The following HPCAL1 variants were observed in gnomAD, a reference collection of about 807,000 sequenced individuals.
HPCAL1 encodes hippocalcin like 1.
Under a neutral mutation model 17.1 loss-of-function variants are expected in HPCAL1, and 8 were observed. The observed-to-expected ratio is 0.47, with a 90% CI of 0.27 to 0.84. HPCAL1 has a LOEUF of 0.84. HPCAL1 is among the 40% of genes least tolerant of loss of function. HPCAL1 has a pLI of 0.13. For synonymous variants in HPCAL1, 112 were observed against 111.4 expected, an observed-to-expected ratio of 1.01 and a Z score of -0.03; for missense variants, 165 against 271.1, an observed-to-expected ratio of 0.61 and a Z score of 2.75.
chr2:10,361,554 A>G (rs1200243578), intron 1 of HPCAL1, among the ~76,000 whole-genome samples: 1 of 152,122 alleles, frequency 6.6e-6, no homozygotes, highest in African/African-American at 2.4e-5. Flanking sequence ...CCATGTACAC[A>G]GGTGTGAAAG....
At chr2:10,376,104 AC>A (rs762203590) in intron 1 of HPCAL1, among the ~76,000 whole-genome samples, 115 of 152,278 alleles carry the variant, frequency 7.6e-4, no homozygotes, top group Non-Finnish European at 1.4e-3. Context: ...GCCATGTGAC[AC>A]ATTGGCTCCC....
chr2:10,354,900 A>G lies in HPCAL1; in HGVS notation c.-110-41935A>G, dbSNP rs1287071711. Among the ~76,000 whole-genome samples the G allele has an allele frequency of 1.3e-5, 2 of 152,224 alleles. No individual in the cohort carries two copies. The highest frequency in any genetic ancestry group is 6.5e-5 in the Admixed American group (1 of 15,286). On this transcript the variant is annotated intron_variant, in intron 1 of 4. Transcript: ENST00000307845. This position sits in a 1 kb window ranked among gnomAD's most constrained non-coding sequence, Gnocchi z 5.1. Reference sequence around the variant, plus strand: ...TGGTCCCCTCCTCATAGATCCTTCAATTCAACAATTGAATTCAACAAGCCC... The same window carrying G: ...TGGTCCCCTCCTCATAGATCCTTCAGTTCAACAATTGAATTCAACAAGCCC...
intron 2 of HPCAL1, among the ~76,000 whole-genome samples, chr2:10,397,204 C>T (rs527630397): frequency 7.4e-4 from 112 of 152,082 alleles, no homozygotes; most frequent in Admixed American, 1.7e-3. Context: ...GCGTGACCTT[C>T]GGTGCTTCTG....
At chr2:10,379,964 T>TC (rs1667838159) in intron 1 of HPCAL1, among the ~76,000 whole-genome samples, 1 of 152,000 alleles carries the variant, frequency 6.6e-6, no homozygotes, top group African/African-American at 2.4e-5. Context: ...TGGACAAAGC[T>TC]CCCCCAAGTC....
chr2:10,315,441 G>C (rs1178394819), intron 1 of HPCAL1, among the ~76,000 whole-genome samples: 1 of 152,098 alleles, frequency 6.6e-6, no homozygotes, highest in Non-Finnish European at 1.5e-5. Flanking sequence ...GATTTTTCAT[G>C]TTTTGCCACA....
chr2:10,346,191 T>C (rs13031382), intron 1 of HPCAL1, among the ~76,000 whole-genome samples: 37,947 of 151,590 alleles, frequency 0.25, 5,398 homozygotes, highest in East Asian at 0.62. Context: ...GCTGCACTCA[T>C]GTCCTTCTTT....
In HPCAL1 at chr2:10,426,728, A is replaced by G. The variant is rs770068929; in HGVS notation, c.489A>G (p.Lys163=). 4 of 1,613,170 alleles carry G rather than the reference A, an allele frequency of 2.5e-6. No homozygotes were observed. The highest frequency in any genetic ancestry group is 3.4e-6 in the Non-Finnish European group (4 of 1,179,742). The change falls in exon 5 of 5, where the codon AAA becomes AAG. Residue 163 remains lysine, a synonymous_variant. Transcript: ENST00000307845. ...ATTGTCTCTGGTCCCCTGCAGGCAAACTGTCCTTGGAAGAATTCATCAGAG... is the reference window on the plus strand; with the variant it reads ...ATTGTCTCTGGTCCCCTGCAGGCAAGCTGTCCTTGGAAGAATTCATCAGAG... The part of the protein sequence containing the change: ...FRQMDTNNDG[K]LSLEEFIRGA...
At position 10,331,139 on chromosome 2, in the gene HPCAL1, C is replaced by A. The variant is rs970796395; in HGVS notation, c.-111+27962C>A. On this transcript the variant is annotated intron_variant, in intron 1 of 4. Transcript: ENST00000307845. This position sits in a 1 kb window ranked among gnomAD's most constrained non-coding sequence, Gnocchi z 5.0. Reference sequence around the variant, plus strand: ...TGCAAGTGACCGCACCCTCTTACTGCATGCGGGCCTTGCCAAGAGCCTGCA... The same window carrying A: ...TGCAAGTGACCGCACCCTCTTACTGAATGCGGGCCTTGCCAAGAGCCTGCA... 2.0e-5 allele frequency among the ~76,000 whole-genome samples: 3 copies of A among 152,164 alleles called. No individual in the cohort carries two copies. The highest frequency in any genetic ancestry group is 2.0e-4 in the Admixed American group (3 of 15,284).
In HPCAL1 at chr2:10,396,916, C is replaced by G. The variant is rs1317135274; in HGVS notation, c.-29C>G. 6.6e-6 allele frequency: 1 copy of G among 152,302 alleles called. No homozygotes were observed. The highest frequency in any genetic ancestry group is 2.4e-5 in the African/African-American group (1 of 41,442). The allele number at this position is 152,302 out of a possible 1,614,324, so 9.4% of individuals were successfully genotyped here. A position where few individuals can be genotyped will look rare whatever the true frequency, so the allele number is the denominator to read the frequency against. On this transcript the variant is annotated 5_prime_UTR_variant, in exon 2 of 5. Coordinates refer to ENST00000307845, the MANE Select transcript of HPCAL1 (RefSeq NM_002149.4). ...CACTCCCTCTCAGCCTCCGCCTGGTCTCTGGTAAGTCACTCCCAGAGGCCG... is the reference window on the plus strand; with the variant it reads ...CACTCCCTCTCAGCCTCCGCCTGGTGTCTGGTAAGTCACTCCCAGAGGCCG...
chr2:10,366,025 A>G (rs529481868), intron 1 of HPCAL1, among the ~76,000 whole-genome samples: 2 of 152,272 alleles, frequency 1.3e-5, no homozygotes, highest in East Asian at 3.9e-4. Flanking sequence ...ACGTTTGCCC[A>G]GCAGCACGCC....
chr2:10,422,816 C>T lies in HPCAL1; in HGVS notation c.379-167C>T, dbSNP rs377032707. ...TGCTCTTGAACTTCACATAGACACC[C>T]GTGAGGTTCACTAGGGAACATTCTC... On this transcript the variant is annotated intron_variant, in intron 3 of 4. Transcript: ENST00000307845. Among the ~76,000 whole-genome samples, 67 of 152,366 alleles carry T rather than the reference C, an allele frequency of 4.4e-4. 1 individual carries two copies. In the South Asian group the frequency reaches 0.013, roughly 31 times the overall value.
chr2:10,355,839 G>A (rs925009972), intron 1 of HPCAL1, among the ~76,000 whole-genome samples: 1 of 151,986 alleles, frequency 6.6e-6, no homozygotes, highest in African/African-American at 2.4e-5. Flanking sequence ...AGTAGGGGAC[G>A]CACAGGGCAT....
chr2:10,337,576 T>G (rs1369729747), intron 1 of HPCAL1, among the ~76,000 whole-genome samples: 1 of 152,122 alleles, frequency 6.6e-6, no homozygotes, highest in African/African-American at 2.4e-5. Flanking sequence ...GGGTTGCAGG[T>G]GCTTCTCCAC....
chr2:10,311,388 C>T (rs1443737435), intron 1 of HPCAL1, among the ~76,000 whole-genome samples: 1 of 152,196 alleles, frequency 6.6e-6, no homozygotes, highest in Non-Finnish European at 1.5e-5. Context: ...TGCCTTCATG[C>T]TGGAATGCTG....
chr2:10,325,472 C>T (rs1663949963), intron 1 of HPCAL1, among the ~76,000 whole-genome samples: 1 of 152,182 alleles, frequency 6.6e-6, no homozygotes, highest in African/African-American at 2.4e-5. Context: ...GGTGGGGGTC[C>T]CCAGTGCCAG....
chr2:10,308,129 C>T lies in HPCAL1; in HGVS notation c.-111+4952C>T, dbSNP rs114251779. 6.4e-3 allele frequency among the ~76,000 whole-genome samples: 967 copies of T among 152,084 alleles called. 4 individuals are homozygous for T. Among genetic ancestry groups the T allele is most frequent in the African/African-American group, 0.022 (924 of 41,442 alleles). On this transcript the variant is annotated intron_variant, in intron 1 of 4. Transcript: ENST00000307845. ...TATAGGGGGCTCCCTGGAGAAGCAC[C>T]CTCTAAGCTGATACCTGGGAGAGTT...
intron 4 of HPCAL1, chr2:10,424,928 T>C (rs1440113385): frequency 3.8e-6 from 1 of 266,610 alleles, no homozygotes; most frequent in African/African-American, 2.2e-5. Context: ...AGGACACAAG[T>C]ATCATTAAAG....
chr2:10,399,367 T>C (rs866963425), intron 2 of HPCAL1, among the ~76,000 whole-genome samples: 149 of 1,324 alleles, frequency 0.11, 2 homozygotes, highest in Middle Eastern at 0.21. Flanking sequence ...ACCACTACCA[T>C]CATCACCACC....
Position 10,394,187 on chromosome 2 carries a change from G to A in HPCAL1, c.-110-2648G>A, listed in dbSNP as rs142491105. On this transcript the variant is annotated intron_variant, in intron 1 of 4. Coordinates refer to ENST00000307845, the MANE Select transcript of HPCAL1 (RefSeq NM_002149.4). The surrounding 1 kb of genome is among the most constrained non-coding windows in gnomAD (Gnocchi z 5.0). Reference sequence around the variant, plus strand: ...GCTGAAAAGAACAGAGCATGGGTTTGGGGATTTGTGTTTTGGGCGCCCCAC... The same window carrying A: ...GCTGAAAAGAACAGAGCATGGGTTTAGGGATTTGTGTTTTGGGCGCCCCAC... Among the ~76,000 whole-genome samples, 6 of 152,232 alleles carry A rather than the reference G, an allele frequency of 3.9e-5. No homozygotes were observed. Among genetic ancestry groups the A allele is most frequent in the African/African-American group, 1.4e-4 (6 of 41,540 alleles).
Sources: gnomAD v4.1 joint callset for allele counts (sites outside exome capture counted in the v4.1 genomes callset) on GRCh38, gnomAD v4.1.1 for gene constraint, Gnocchi (gnomAD v3.1) non-coding constraint, MANE v1.5 for transcripts, NCBI Gene and HGNC (gene_info 2026-07-23, HGNC 2026-07-21) for gene names.